KCNMA1: variants seen among roughly 807,000 people sequenced by gnomAD.
KCNMA1 encodes the protein potassium calcium-activated channel subfamily M alpha 1.
A neutral mutation model predicts 140.0 loss-of-function variants in KCNMA1; 29 were observed. That is an observed-to-expected ratio of 0.21 (90% CI 0.15 to 0.28). KCNMA1 has a LOEUF of 0.28. KCNMA1 is among the 10% of genes least tolerant of loss of function. The pLI, the probability that KCNMA1 is intolerant of heterozygous loss-of-function variation, is 1.00. For missense variants in KCNMA1, 880 were observed against 1,602.2 expected (o/e 0.55, Z 7.70); for synonymous variants, 612 against 611.9 (o/e 1.00, Z 0.00).
intron 1 of KCNMA1, among the ~76,000 whole-genome samples, chr10:77,575,694 C>A (rs2073831587): frequency 6.6e-6 from 1 of 152,268 alleles, no homozygotes; most frequent in Non-Finnish European, 1.5e-5. Flanking sequence ...CGGGGAGCAT[C>A]TGAAGTTCCC....
intron 1 of KCNMA1, among the ~76,000 whole-genome samples, chr10:77,601,846 G>A (rs2082759605): frequency 6.6e-6 from 1 of 152,092 alleles, no homozygotes; most frequent in Admixed American, 6.6e-5. Context: ...AAATTTTTTG[G>A]ACCAAGAGCC....
chr10:77,238,024 C>A (rs968074997), intron 3 of KCNMA1, among the ~76,000 whole-genome samples: 7 of 152,194 alleles, frequency 4.6e-5, no homozygotes, highest in African/African-American at 1.7e-4. Flanking sequence ...CTCGCCTTCC[C>A]TGCACCAATT....
chr10:77,460,209 C>T (rs1350179993), intron 1 of KCNMA1, among the ~76,000 whole-genome samples: 5 of 152,188 alleles, frequency 3.3e-5, no homozygotes, highest in Non-Finnish European at 5.9e-5. Flanking sequence ...TATGAATGTT[C>T]GTTGATAAAG....
At chr10:77,596,744 C>G (rs2081055452) in intron 1 of KCNMA1, among the ~76,000 whole-genome samples, 1 of 152,182 alleles carries the variant, frequency 6.6e-6, no homozygotes, top group Non-Finnish European at 1.5e-5. Flanking sequence ...AATAACACAG[C>G]AACAGCTGTG....
chr10:77,278,572 G>A (rs189789751), intron 2 of KCNMA1, among the ~76,000 whole-genome samples: 114 of 152,266 alleles, frequency 7.5e-4, no homozygotes, highest in Admixed American at 1.8e-3. Flanking sequence ...GGTGGTCTCC[G>A]AAATCCAGCC....
chr10:76,893,679 G>A (rs956945356), intron 25 of KCNMA1, among the ~76,000 whole-genome samples: 4 of 152,194 alleles, frequency 2.6e-5, no homozygotes, highest in African/African-American at 9.7e-5. Context: ...GGCAGATGTT[G>A]CAGTAATCTG....
At chr10:77,453,948 G>GTA in intron 1 of KCNMA1, among the ~76,000 whole-genome samples, 1 of 152,160 alleles carries the variant, frequency 6.6e-6, no homozygotes, top group Non-Finnish European at 1.5e-5. Flanking sequence ...GAGAATAGCA[G>GTA]CGTCTCTGTA....
intron 3 of KCNMA1, among the ~76,000 whole-genome samples, chr10:77,215,940 G>A (rs941006054): frequency 3.3e-5 from 5 of 150,502 alleles, no homozygotes; most frequent in Admixed American, 6.6e-5. Context: ...TGCCGTGTGA[G>A]GACACAGCAA....
intron 2 of KCNMA1, among the ~76,000 whole-genome samples, chr10:77,318,544 G>T (rs893470310): frequency 3.3e-5 from 5 of 152,166 alleles, no homozygotes; most frequent in African/African-American, 1.2e-4. Flanking sequence ...AAAGCAGCTT[G>T]CACTCATAGG....
At chr10:77,378,664 G>C (rs1230451798) in intron 2 of KCNMA1, among the ~76,000 whole-genome samples, 1 of 152,182 alleles carries the variant, frequency 6.6e-6, no homozygotes, top group Admixed American at 6.5e-5. Flanking sequence ...AGAGCTCTTA[G>C]CTCCAGGTCT....
intron 2 of KCNMA1, among the ~76,000 whole-genome samples, chr10:77,314,418 T>G (rs549714064): frequency 6.6e-6 from 1 of 152,296 alleles, no homozygotes; most frequent in South Asian, 2.1e-4. Flanking sequence ...AAAACACCCA[T>G]CTAAGTGCTG....
chr10:77,360,059 A>T (rs2093819145), intron 2 of KCNMA1, among the ~76,000 whole-genome samples: 1 of 152,212 alleles, frequency 6.6e-6, no homozygotes, highest in Non-Finnish European at 1.5e-5. Flanking sequence ...AAGAGTATAA[A>T]CTCATTATGG....
downstream of KCNMA1, among the ~76,000 whole-genome samples, chr10:76,883,765 GAT>G (rs1373865775): frequency 1.4e-5 from 2 of 141,182 alleles, no homozygotes; most frequent in Admixed American, 7.4e-5. Context: ...AACAGGAAGA[GAT>G]ATAATAATAA....
intron 1 of KCNMA1, among the ~76,000 whole-genome samples, chr10:77,604,987 G>A (rs1370376422): frequency 1.3e-5 from 2 of 152,000 alleles, no homozygotes; most frequent in African/African-American, 4.8e-5. Context: ...CCCATCAGGT[G>A]TGGCTCCAAA....
chr10:77,260,960 A>G (rs1194088838), intron 2 of KCNMA1, among the ~76,000 whole-genome samples: 1 of 152,198 alleles, frequency 6.6e-6, no homozygotes, highest in Non-Finnish European at 1.5e-5. Flanking sequence ...TAATAAGTGA[A>G]TATATTTGTG....
intron 2 of KCNMA1, among the ~76,000 whole-genome samples, chr10:77,336,054 G>C (rs2088820420): frequency 6.6e-6 from 1 of 152,162 alleles, no homozygotes; most frequent in African/African-American, 2.4e-5. Flanking sequence ...AGATGCAGGG[G>C]GAAGTTGGGA....
At chr10:77,369,544 A>G (rs542270473) in intron 2 of KCNMA1, among the ~76,000 whole-genome samples, 1 of 152,308 alleles carries the variant, frequency 6.6e-6, no homozygotes, top group South Asian at 2.1e-4. Flanking sequence ...GTATATTGGA[A>G]TCCTTTGAGG....
intron 1 of KCNMA1, among the ~76,000 whole-genome samples, chr10:77,441,844 T>C (rs190324075): frequency 1.7e-3 from 259 of 149,466 alleles, no homozygotes; most frequent in African/African-American, 6.0e-3. Flanking sequence ...ATCTTTTTTT[T>C]TTCTTCTTTT....
chr10:77,543,652 A>G (rs1160078667), intron 1 of KCNMA1, among the ~76,000 whole-genome samples: 3 of 152,192 alleles, frequency 2.0e-5, no homozygotes, highest in Non-Finnish European at 4.4e-5. Flanking sequence ...CAAATCAAAG[A>G]CCAAAATAAT....
Sources: allele counts gnomAD v4.1 joint callset (sites outside exome capture counted in the v4.1 genomes callset), GRCh38; gene constraint gnomAD v4.1.1; transcripts MANE v1.5; gene names NCBI Gene and HGNC (gene_info 2026-07-23, HGNC 2026-07-21).